ARHGAP17: variants seen among roughly 807,000 people sequenced by gnomAD.
The protein encoded by ARHGAP17 is rho GTPase-activating protein 17.
A neutral mutation model predicts 99.5 loss-of-function variants in ARHGAP17; 57 were observed. The ratio of observed to expected loss-of-function variants is 0.57; its 90% CI spans 0.46 to 0.71. The LOEUF is 0.71. ARHGAP17 is among the 30% of genes least tolerant of loss of function. The pLI is 0.00. For synonymous variants in ARHGAP17, 417 were observed against 429.6 expected, an observed-to-expected ratio of 0.97 and a Z score of 0.36; for missense variants, 1,000 against 1,122.4, an observed-to-expected ratio of 0.89 and a Z score of 1.56.
intron 1 of ARHGAP17, among the ~76,000 whole-genome samples, chr16:25,004,271 G>A (rs2053448789): frequency 6.6e-6 from 1 of 152,160 alleles, no homozygotes; most frequent in Non-Finnish European, 1.5e-5. Context: ...GAAAAAATTT[G>A]TTTAAAAATG....
chr16:25,003,230 CTTTTTTTTTTTTT>C (rs564573463), intron 1 of ARHGAP17, among the ~76,000 whole-genome samples: 2 of 90,698 alleles, frequency 2.2e-5, no homozygotes, highest in Admixed American at 1.4e-4. Flanking sequence ...AGCTTTAAAG[CTTTTTTTTTTTTT>C]TTTTTTTTTG....
chr16:24,939,661 G>A (rs559129143), intron 16 of ARHGAP17, 64 bp from the exon 17 acceptor site: 12 of 1,497,858 alleles, frequency 8.0e-6, no homozygotes, highest in African/African-American at 5.5e-5. Context: ...GAAGCCCATC[G>A]GTCCACATGT....
intron 1 of ARHGAP17, among the ~76,000 whole-genome samples, chr16:24,992,265 A>T (rs1209405431): frequency 1.3e-5 from 2 of 152,218 alleles, no homozygotes; most frequent in Non-Finnish European, 1.5e-5. Context: ...GGATATCTAG[A>T]CGAGAGACAA....
intron 1 of ARHGAP17, among the ~76,000 whole-genome samples, chr16:24,981,228 T>C (rs1436893634): frequency 6.6e-6 from 1 of 152,168 alleles, no homozygotes; most frequent in Non-Finnish European, 1.5e-5. Context: ...AGCTTGGCAG[T>C]TGTTAAACAG....
At chr16:24,967,279 A>G (rs533282262) in intron 6 of ARHGAP17, among the ~76,000 whole-genome samples, 6 of 152,374 alleles carry the variant, frequency 3.9e-5, no homozygotes, top group African/African-American at 1.4e-4. Context: ...GAACACAGCC[A>G]TGCTCATTCA....
At chr16:24,981,900 T>C (rs1340287162) in intron 1 of ARHGAP17, among the ~76,000 whole-genome samples, 1 of 152,198 alleles carries the variant, frequency 6.6e-6, no homozygotes, top group Non-Finnish European at 1.5e-5. Flanking sequence ...TCCAGCCATT[T>C]TTTTCAAATT....
At chr16:25,003,660 C>A (rs1435045664) in intron 1 of ARHGAP17, among the ~76,000 whole-genome samples, 1 of 151,582 alleles carries the variant, frequency 6.6e-6, no homozygotes, top group Non-Finnish European at 1.5e-5. Context: ...CCTGTCTCTA[C>A]TAAAAATACA....
At chr16:24,920,311 AG>A in intron 19 of ARHGAP17, 51 bp from the exon 20 acceptor site, 1 of 1,604,272 alleles carries the variant, frequency 6.2e-7, no homozygotes, top group African/African-American at 1.3e-5. Flanking sequence ...AACCCCCGAG[AG>A]GCCACCTGAG....
chr16:24,937,704 T>C (rs948361812), intron 17 of ARHGAP17, among the ~76,000 whole-genome samples: 1 of 152,160 alleles, frequency 6.6e-6, no homozygotes, highest in Non-Finnish European at 1.5e-5. Context: ...CATTCAGTTT[T>C]AATGGTGAAA....
Position 24,952,372 on chromosome 16 carries a change from T to G in ARHGAP17, c.965-2A>C. The G allele has an allele frequency of 6.2e-7, 1 of 1,610,694 alleles. No homozygotes were observed. The highest frequency in any genetic ancestry group is 1.1e-5 in the South Asian group (1 of 90,880). ...CCCGTAAATAGGATTTTAAAGCACCTGAAATCATTAACACTCTCTTTGAGT... is the reference window on the plus strand; with the variant it reads ...CCCGTAAATAGGATTTTAAAGCACCGGAAATCATTAACACTCTCTTTGAGT... On this transcript the variant is annotated splice_acceptor_variant, in intron 11 of 19. Coordinates refer to ENST00000289968, the MANE Select transcript of ARHGAP17 (RefSeq NM_001006634.3). LOFTEE classifies it high-confidence loss of function.
chr16:24,942,592 C>T (rs138163130), intron 15 of ARHGAP17, among the ~76,000 whole-genome samples: 2,590 of 151,920 alleles, frequency 0.017, 31 homozygotes, highest in Non-Finnish European at 0.027. Flanking sequence ...GAACGTGAAA[C>T]CCCGTCTCTA....
intron 15 of ARHGAP17, 130 bp from the exon 16 acceptor site, chr16:24,942,273 TC>T: frequency 1.1e-6 from 1 of 877,702 alleles, no homozygotes; most frequent in Non-Finnish European, 1.7e-6. Context: ...AAGTGGAAGC[TC>T]CAGGCACTCA....
chr16:24,993,336 A>C (rs2053103716), intron 1 of ARHGAP17, among the ~76,000 whole-genome samples: 2 of 152,178 alleles, frequency 1.3e-5, no homozygotes, highest in African/African-American at 4.8e-5. Context: ...CTGTAATCCC[A>C]GCACTTTGGG....
intron 19 of ARHGAP17, among the ~76,000 whole-genome samples, chr16:24,926,257 C>T (rs936794411): frequency 6.6e-6 from 1 of 151,862 alleles, no homozygotes; most frequent in African/African-American, 2.4e-5. Flanking sequence ...GTTTTAATAT[C>T]CATGCTTATT....
intron 6 of ARHGAP17, among the ~76,000 whole-genome samples, chr16:24,966,900 A>G (rs754660484): frequency 6.6e-5 from 10 of 152,216 alleles, no homozygotes; most frequent in Admixed American, 1.3e-4. Context: ...TTATCTGTAA[A>G]ACAAGTCTCC....
chr16:24,939,556 C>T lies in ARHGAP17; in HGVS notation c.1532G>A (p.Gly511Asp). 6.2e-7 allele frequency: 1 copy of T among 1,607,564 alleles called. No homozygotes were observed. The highest frequency in any genetic ancestry group is 8.5e-7 in the Non-Finnish European group (1 of 1,177,844). ...TATGTGCTTTCTATTTAGAGTGCCA[C>T]CCCGCCGGTGGGCCTGGAAGTCCAT... ...KLMDFQAHRR[G>D]GTLNRKHISP... Residue 511 changes from glycine (G) to aspartate (D), a missense_variant, in exon 17 of 20, where the codon GGT (glycine) becomes GAT (aspartate). Around this residue, in one of 2 missense-constraint regions of ARHGAP17, gnomAD observed 528 missense variants for 511.4 expected, o/e 1.03. Coordinates refer to ENST00000289968, the MANE Select transcript of ARHGAP17 (RefSeq NM_001006634.3).
At chr16:24,941,350 T>C (rs1486781166) in intron 16 of ARHGAP17, among the ~76,000 whole-genome samples, 2 of 152,210 alleles carry the variant, frequency 1.3e-5, no homozygotes, top group Non-Finnish European at 2.9e-5. Context: ...ATGGGACAGG[T>C]TGGCATCCAA....
intron 9 of ARHGAP17, among the ~76,000 whole-genome samples, chr16:24,958,757 C>T (rs191350541): frequency 6.6e-6 from 1 of 152,160 alleles, no homozygotes; most frequent in Non-Finnish European, 1.5e-5. Flanking sequence ...GCATCCCCCC[C>T]ACAACACACA....
At chr16:24,956,658 T>C (rs1255062686) in intron 9 of ARHGAP17, 5 of 152,256 alleles carry the variant, frequency 3.3e-5, no homozygotes, top group African/African-American at 1.2e-4. Flanking sequence ...TAACCACTCC[T>C]CTGCACCAAA....
Sources: allele counts gnomAD v4.1 joint callset (sites outside exome capture counted in the v4.1 genomes callset), GRCh38; gene constraint gnomAD v4.1.1; regional missense constraint gnomAD v4.1.1; transcripts MANE v1.5; gene names NCBI Gene and HGNC (gene_info 2026-07-23, HGNC 2026-07-21).